NALF1: variants seen among roughly 807,000 people sequenced by gnomAD.
NALF1 encodes the protein family with sequence similarity 155 member A.
A neutral mutation model predicts 48.4 loss-of-function variants in NALF1; 3 were observed. The ratio of observed to expected loss-of-function variants is 0.06; its 90% CI spans 0.03 to 0.16. The LOEUF is 0.16. Among genes scored for constraint, NALF1 ranks in the 10% least tolerant of loss-of-function variants. The probability of loss-of-function intolerance (pLI) is 1.00; values close to 1 mark genes in which losing one functional copy is unlikely to be tolerated. For missense variants in NALF1, 526 were observed against 571.5 expected, an observed-to-expected ratio of 0.92 and a Z score of 0.81; for synonymous variants, 262 against 245.7, an observed-to-expected ratio of 1.07 and a Z score of -0.62.
intron 1 of NALF1, among the ~76,000 whole-genome samples, chr13:107,713,122 G>A (rs182590240): frequency 3.3e-5 from 5 of 152,164 alleles, no homozygotes; most frequent in African/African-American, 4.8e-5. Context: ...CAGGGGCTAC[G>A]GCAAAGCAGC....
intron 1 of NALF1, among the ~76,000 whole-genome samples, chr13:107,779,495 C>T (rs970304136): frequency 6.6e-6 from 1 of 152,150 alleles, no homozygotes; most frequent in Admixed American, 6.5e-5. Flanking sequence ...TTCCATGTGC[C>T]TTACAATGCT....
At chr13:107,624,625 GCTTGGGTT>G (rs928420607) in intron 1 of NALF1, among the ~76,000 whole-genome samples, 1 of 152,188 alleles carries the variant, frequency 6.6e-6, no homozygotes, top group Non-Finnish European at 1.5e-5. Flanking sequence ...ATAGAAGGAT[GCTTGGGTT>G]CTTTCAAATT....
intron 1 of NALF1, among the ~76,000 whole-genome samples, chr13:107,230,747 A>G (rs138234688): frequency 5.3e-5 from 8 of 152,242 alleles, no homozygotes; most frequent in Non-Finnish European, 1.2e-4. Context: ...GACTGGGGAC[A>G]CTTTGATAAA....
intron 1 of NALF1, among the ~76,000 whole-genome samples, chr13:107,724,084 A>G (rs911000834): frequency 5.9e-5 from 9 of 152,316 alleles, no homozygotes; most frequent in African/African-American, 2.2e-4. Flanking sequence ...CTGCTTACAA[A>G]GAACACACAG....
intron 1 of NALF1, among the ~76,000 whole-genome samples, chr13:107,564,580 C>T (rs1333139494): frequency 6.6e-6 from 1 of 152,142 alleles, no homozygotes; most frequent in Non-Finnish European, 1.5e-5. Context: ...GGAGGCTGGA[C>T]GCTGATATTC....
At chr13:107,273,759 G>A (rs1207364550) in intron 1 of NALF1, among the ~76,000 whole-genome samples, 1 of 152,078 alleles carries the variant, frequency 6.6e-6, no homozygotes, top group Non-Finnish European at 1.5e-5. Flanking sequence ...TCTTTTTGCT[G>A]GTATCCATAG....
At chr13:107,206,986 C>T (rs958661516) in intron 2 of NALF1, among the ~76,000 whole-genome samples, 2 of 152,094 alleles carry the variant, frequency 1.3e-5, no homozygotes, top group Admixed American at 6.6e-5. Flanking sequence ...GGAAACTCCA[C>T]CTATTCCTTT....
At chr13:107,657,593 G>T (rs1448237333) in intron 1 of NALF1, among the ~76,000 whole-genome samples, 4 of 152,046 alleles carry the variant, frequency 2.6e-5, no homozygotes, top group Non-Finnish European at 5.9e-5. Context: ...TAACGCTGTG[G>T]GTAGGAAGTA....
At chr13:107,613,894 T>C (rs185993141) in intron 1 of NALF1, among the ~76,000 whole-genome samples, 5 of 152,340 alleles carry the variant, frequency 3.3e-5, no homozygotes, top group Admixed American at 6.5e-5. Flanking sequence ...ATGCAGGTGC[T>C]ACGTTCATTC....
At chr13:107,214,552 C>G (rs1879833281) in intron 1 of NALF1, among the ~76,000 whole-genome samples, 1 of 152,110 alleles carries the variant, frequency 6.6e-6, no homozygotes, top group African/African-American at 2.4e-5. Flanking sequence ...CCCACTCTTC[C>G]CCTTGATGGC....
intron 1 of NALF1, among the ~76,000 whole-genome samples, chr13:107,711,656 A>C (rs1439366741): frequency 6.6e-6 from 1 of 152,244 alleles, no homozygotes; most frequent in Non-Finnish European, 1.5e-5. Flanking sequence ...CTTCCTTAGC[A>C]CATTGGGAAT....
chr13:107,639,770 T>C (rs554372828), intron 1 of NALF1, among the ~76,000 whole-genome samples: 6 of 152,298 alleles, frequency 3.9e-5, no homozygotes, highest in Non-Finnish European at 8.8e-5. Context: ...AAGAGGGTCA[T>C]GTCCAGCTCA....
chr13:107,771,248 T>TTG (rs147526327), intron 1 of NALF1, among the ~76,000 whole-genome samples: 9 of 151,034 alleles, frequency 6.0e-5, no homozygotes, highest in Middle Eastern at 3.4e-3. Context: ...TTTTAACATG[T>TTG]TGTGTGTGTG....
chr13:107,377,493 T>C (rs1485353558), intron 1 of NALF1, among the ~76,000 whole-genome samples: 3 of 152,062 alleles, frequency 2.0e-5, no homozygotes, highest in Middle Eastern at 3.2e-3. Flanking sequence ...GTCATAGAAA[T>C]AAAGTATCTT....
intron 1 of NALF1, among the ~76,000 whole-genome samples, chr13:107,518,402 T>G (rs1876130282): frequency 6.6e-6 from 1 of 151,526 alleles, no homozygotes; most frequent in African/African-American, 2.4e-5. Flanking sequence ...GTGAGAGGAG[T>G]TTTTTTGAAA....
intron 1 of NALF1, among the ~76,000 whole-genome samples, chr13:107,831,429 A>G (rs1879726754): frequency 2.0e-5 from 3 of 152,176 alleles, no homozygotes; most frequent in Admixed American, 2.0e-4. Flanking sequence ...TTGTATAATA[A>G]TTTGCAGAGA....
At chr13:107,389,912 C>T (rs1883593119) in intron 1 of NALF1, among the ~76,000 whole-genome samples, 1 of 152,012 alleles carries the variant, frequency 6.6e-6, no homozygotes, top group Non-Finnish European at 1.5e-5. Flanking sequence ...TTTAATAGCC[C>T]AATTATTTCT....
At chr13:107,706,301 TA>T (rs1371458460) in intron 1 of NALF1, among the ~76,000 whole-genome samples, 6 of 152,226 alleles carry the variant, frequency 3.9e-5, no homozygotes, top group African/African-American at 1.4e-4. Flanking sequence ...TTCTGGACCC[TA>T]TAAATTTCAT....
chr13:107,656,803 A>G (rs1285385387), intron 1 of NALF1, among the ~76,000 whole-genome samples: 1 of 152,206 alleles, frequency 6.6e-6, no homozygotes, highest in Non-Finnish European at 1.5e-5. Flanking sequence ...TGTTATACAC[A>G]CCATGGAATA....
Sources: gnomAD v4.1 joint callset for allele counts (sites outside exome capture counted in the v4.1 genomes callset) on GRCh38, gnomAD v4.1.1 for gene constraint, MANE v1.5 for transcripts, NCBI Gene and HGNC (gene_info 2026-07-23, HGNC 2026-07-21) for gene names.